The following IQCM variants were observed in gnomAD, a reference collection of about 807,000 sequenced individuals.
The protein encoded by IQCM is IQ motif containing M, also known as IQ domain-containing protein M.
In IQCM, 45 loss-of-function variants were observed where a neutral mutation model predicts 57.6. The observed-to-expected ratio is 0.78, with a 90% CI of 0.62 to 1.00. IQCM has a LOEUF of 1.00. Ranked by LOEUF, IQCM falls within the 50% of genes least tolerant of loss-of-function variation. IQCM has a pLI of 0.00. For missense variants in IQCM, 468 were observed against 511.6 expected (o/e 0.91, Z 0.82); for synonymous variants, 148 against 158.9 (o/e 0.93, Z 0.51).
At chr4:149,746,500 AT>A in intron 2 of IQCM, among the ~76,000 whole-genome samples, 1 of 152,286 alleles carries the variant, frequency 6.6e-6, no homozygotes. Context: ...TTAATTGTGT[AT>A]CAGATCATAT....
At chr4:149,483,266 C>T (rs928934775) in intron 12 of IQCM, among the ~76,000 whole-genome samples, 1 of 151,632 alleles carries the variant, frequency 6.6e-6, no homozygotes, top group Non-Finnish European at 1.5e-5. Flanking sequence ...ATTTCAAATT[C>T]ATTTATTTCT....
chr4:149,716,570 C>G (rs1765020827), intron 5 of IQCM, among the ~76,000 whole-genome samples: 1 of 152,192 alleles, frequency 6.6e-6, no homozygotes, highest in East Asian at 1.9e-4. Flanking sequence ...GTTTTCTGTT[C>G]CCTGCGGCTC....
At chr4:149,613,156 A>G (rs1755454662) in intron 8 of IQCM, among the ~76,000 whole-genome samples, 2 of 152,110 alleles carry the variant, frequency 1.3e-5, no homozygotes, top group Non-Finnish European at 2.9e-5. Context: ...CCATTAGAGG[A>G]GAAAATCATG....
rs149022560 is a variant in IQCM, at chr4:149,724,300, G to A, written c.385+8944C>T. ...TATTTGGTAAGTTGTCACCACTGTAGGCAAAGGAAAAATCACAGCACAAAG... is the reference window on the plus strand; with the variant it reads ...TATTTGGTAAGTTGTCACCACTGTAAGCAAAGGAAAAATCACAGCACAAAG... On this transcript the variant is annotated intron_variant, in intron 5 of 13. Coordinates refer to ENST00000636793, the MANE Select transcript of IQCM (RefSeq NM_001363507.2). Among the ~76,000 whole-genome samples, 693 of 152,004 alleles carry A rather than the reference G, an allele frequency of 4.6e-3. 4 individuals are homozygous for A. Among genetic ancestry groups the A allele is most frequent in the African/African-American group, 0.016 (663 of 41,506 alleles).
chr4:149,491,255 A>G (rs947529987), intron 12 of IQCM, among the ~76,000 whole-genome samples: 1 of 152,102 alleles, frequency 6.6e-6, no homozygotes, highest in Non-Finnish European at 1.5e-5. Flanking sequence ...AAGCTAATTA[A>G]CATATGAATT....
intron 12 of IQCM, among the ~76,000 whole-genome samples, chr4:149,470,458 C>A (rs554149022): frequency 1.3e-5 from 2 of 152,212 alleles, no homozygotes; most frequent in East Asian, 1.9e-4. Context: ...TACAGGAGCA[C>A]CCAGATTCAT....
chr4:149,597,423 C>G (rs542574522), intron 8 of IQCM, among the ~76,000 whole-genome samples: 1 of 152,110 alleles, frequency 6.6e-6, no homozygotes, highest in Non-Finnish European at 1.5e-5. Context: ...TAGAGTCTCG[C>G]TCTGCTGCCC....
intron 13 of IQCM, among the ~76,000 whole-genome samples, chr4:149,427,826 A>G (rs1734566298): frequency 6.6e-6 from 1 of 151,962 alleles, no homozygotes; most frequent in South Asian, 2.1e-4. Flanking sequence ...AGAGAACATG[A>G]CATTGGAGGC....
chr4:149,715,778 G>A (rs1006560754), intron 5 of IQCM, among the ~76,000 whole-genome samples: 1 of 152,136 alleles, frequency 6.6e-6, no homozygotes, highest in Non-Finnish European at 1.5e-5. Context: ...AGGCAGGTCG[G>A]CCAGACATTT....
At chr4:149,557,048 A>C (rs1579480016) in intron 10 of IQCM, among the ~76,000 whole-genome samples, 1 of 152,250 alleles carries the variant, frequency 6.6e-6, no homozygotes, top group East Asian at 1.9e-4. Flanking sequence ...CTCCCAGTGT[A>C]CTCTGAAAAA....
intron 5 of IQCM, among the ~76,000 whole-genome samples, chr4:149,724,708 A>G (rs1397547788): frequency 1.3e-5 from 2 of 152,100 alleles, no homozygotes; most frequent in Non-Finnish European, 2.9e-5. Context: ...GAGCTTAATT[A>G]GAGCCTGTTT....
At chr4:149,415,858 C>T (rs920640337) in intron 13 of IQCM, among the ~76,000 whole-genome samples, 3 of 151,890 alleles carry the variant, frequency 2.0e-5, no homozygotes, top group Non-Finnish European at 4.4e-5. Flanking sequence ...TGCTAGTACA[C>T]ACTTGGACAC....
chr4:149,748,447 G>C (rs951697078), intron 2 of IQCM, among the ~76,000 whole-genome samples: 2 of 152,008 alleles, frequency 1.3e-5, no homozygotes, highest in African/African-American at 4.8e-5. Context: ...TCATTAAAAA[G>C]GAGATGTTAA....
chr4:149,414,535 A>C (rs2111188660), intron 13 of IQCM, among the ~76,000 whole-genome samples: 1 of 152,270 alleles, frequency 6.6e-6, no homozygotes, highest in South Asian at 2.1e-4. Context: ...TGAAATAAAT[A>C]ATCATCGATA....
intron 7 of IQCM, among the ~76,000 whole-genome samples, chr4:149,650,621 C>A (rs1759087074): frequency 6.6e-6 from 1 of 152,000 alleles, no homozygotes; most frequent in Admixed American, 6.6e-5. Flanking sequence ...AACTCCTGAC[C>A]TCGGATGATA....
intron 12 of IQCM, among the ~76,000 whole-genome samples, chr4:149,504,867 C>T (rs1579291361): frequency 1.3e-5 from 2 of 152,084 alleles, no homozygotes; most frequent in East Asian, 1.9e-4. Context: ...GAGCTGAGAT[C>T]GTGTCAAAGC....
chr4:149,500,735 C>G (rs1441414869), intron 12 of IQCM, among the ~76,000 whole-genome samples: 1 of 152,086 alleles, frequency 6.6e-6, no homozygotes, highest in East Asian at 1.9e-4. Context: ...AAGCAGTCCA[C>G]CTAGGGTCAG....
Position 149,498,459 on chromosome 4 carries a change from C to T in IQCM, c.1228+49996G>A, listed in dbSNP as rs139354375. 8.8e-3 allele frequency among the ~76,000 whole-genome samples: 1,332 copies of T among 152,226 alleles called. 6 individuals are homozygous for T. Among genetic ancestry groups the T allele is most frequent in the Non-Finnish European group, 0.014 (932 of 67,992 alleles). Reference sequence around the variant, plus strand: ...TTTACCATGGAAAGTAGCCAGGCTTCGACTTCCTTGTAGGCATTTCAACCA... The same window carrying T: ...TTTACCATGGAAAGTAGCCAGGCTTTGACTTCCTTGTAGGCATTTCAACCA... On this transcript the variant is annotated intron_variant, in intron 12 of 13. Coordinates refer to ENST00000636793, the MANE Select transcript of IQCM (RefSeq NM_001363507.2).
In IQCM at chr4:149,357,145, G is replaced by C. The variant is rs545568666; in HGVS notation, c.1391-5079C>G. Among the ~76,000 whole-genome samples, 463 of 152,236 alleles carry C rather than the reference G, an allele frequency of 3.0e-3. 3 individuals carry two copies. The highest frequency in any genetic ancestry group is 0.01 in the Middle Eastern group (3 of 294). The stretch of plus-strand genomic sequence containing the variant: ...GCTTATCAGCTTAAGGAGATTTTGG[G>C]CTGAGACAATGGGGTTTTCTAGATA... On this transcript the variant is annotated intron_variant, in intron 13 of 13. Coordinates refer to ENST00000636793, the MANE Select transcript of IQCM (RefSeq NM_001363507.2).
Sources: allele counts gnomAD v4.1 joint callset (sites outside exome capture counted in the v4.1 genomes callset), GRCh38; gene constraint gnomAD v4.1.1; transcripts MANE v1.5; gene names NCBI Gene and HGNC (gene_info 2026-07-23, HGNC 2026-07-21).